Variants in BICDL1 observed in about 807,000 individuals in gnomAD.
BICDL1 encodes the protein BICD family like cargo adaptor 1, also known as BICD family-like cargo adapter 1.
BICDL1 carries 20 observed loss-of-function variants against 76.8 expected under a neutral mutation model. The observed-to-expected ratio is 0.26, with a 90% CI of 0.18 to 0.38. The LOEUF (loss-of-function observed/expected upper bound fraction) is 0.38. Among genes scored for constraint, BICDL1 ranks in the 10% least tolerant of loss-of-function variants. BICDL1 has a pLI of 1.00. For missense variants in BICDL1, 700 were observed against 798.6 expected (o/e 0.88, Z 1.49); for synonymous variants, 383 against 337.1 (o/e 1.14, Z -1.49).
intron 2 of BICDL1, among the ~76,000 whole-genome samples, chr12:120,051,853 C>T (rs1023467518): frequency 7.2e-5 from 11 of 152,226 alleles, no homozygotes; most frequent in East Asian, 1.9e-4. Context: ...CTCCAGAATC[C>T]GGTTCAGGCT....
intron 2 of BICDL1, among the ~76,000 whole-genome samples, chr12:120,046,849 T>C (rs902698492): frequency 1.3e-5 from 2 of 152,336 alleles, no homozygotes; most frequent in Admixed American, 6.5e-5. Flanking sequence ...TTATGAGTCC[T>C]CATAGAACAT....
Position 120,061,707 on chromosome 12 carries a change from C to T in BICDL1, c.646-3C>T. 2 of 1,607,894 alleles carry T rather than the reference C, an allele frequency of 1.2e-6. No individual in the cohort carries two copies. The highest frequency in any genetic ancestry group is 2.7e-5 in the African/African-American group (2 of 74,918). ...TCAGCTCTGCAGGTCTCCTCTGTTT[C>T]AGGCATCAGAAGTTGAGAGACAACT... On this transcript the variant is annotated splice_region_variant and splice_polypyrimidine_tract_variant and intron_variant, in intron 2 of 9. Coordinates refer to ENST00000548673, the MANE Select transcript of BICDL1 (RefSeq NM_001367886.1).
intron 2 of BICDL1, among the ~76,000 whole-genome samples, chr12:120,037,319 A>G (rs1383110152): frequency 6.6e-6 from 1 of 152,168 alleles, no homozygotes; most frequent in Non-Finnish European, 1.5e-5. Context: ...ATCTGAGGAG[A>G]CACGTTATTT....
At chr12:120,049,084 A>G (rs1952804232) in intron 2 of BICDL1, among the ~76,000 whole-genome samples, 1 of 152,220 alleles carries the variant, frequency 6.6e-6, no homozygotes, top group Non-Finnish European at 1.5e-5. Flanking sequence ...TCATAAGAAG[A>G]TAACTCATAA....
chr12:120,059,629 C>CA (rs937299818), intron 2 of BICDL1, among the ~76,000 whole-genome samples: 1 of 152,066 alleles, frequency 6.6e-6, no homozygotes, highest in Non-Finnish European at 1.5e-5. Context: ...AGGCTGGTCT[C>CA]AAACTCCTGA....
At chr12:119,993,616 TTTC>T (rs1951574215) in intron 1 of BICDL1, among the ~76,000 whole-genome samples, 1 of 151,052 alleles carries the variant, frequency 6.6e-6, no homozygotes, top group African/African-American at 2.4e-5. Context: ...CTTAAAGTTG[TTTC>T]TTTTTTTTTT....
intron 8 of BICDL1, among the ~76,000 whole-genome samples, chr12:120,087,140 G>C (rs762258909): frequency 3.0e-4 from 46 of 152,250 alleles, no homozygotes; most frequent in Admixed American, 7.2e-4. Context: ...CTACTGGAGG[G>C]GTGTCCATGG....
chr12:120,003,797 T>A (rs527648509), intron 2 of BICDL1, among the ~76,000 whole-genome samples: 20 of 152,344 alleles, frequency 1.3e-4, no homozygotes, highest in Admixed American at 1.2e-3. Flanking sequence ...TACAGAGCGA[T>A]TGGTTCTGTA....
At chr12:120,092,710 G>A (rs1307717899) in intron 9 of BICDL1, 1 of 985,438 alleles carries the variant, frequency 1.0e-6, no homozygotes, top group Non-Finnish European at 1.2e-6. Context: ...AGACTGCAGG[G>A]AGAGACCACC....
chr12:120,034,855 G>A (rs1004393182), intron 2 of BICDL1, among the ~76,000 whole-genome samples: 3 of 152,204 alleles, frequency 2.0e-5, no homozygotes, highest in African/African-American at 7.2e-5. Context: ...CTCAAGGCCA[G>A]CAGCAGTGCA....
intron 2 of BICDL1, among the ~76,000 whole-genome samples, chr12:120,024,691 CTTTCTT>C (rs1952253054): frequency 6.6e-6 from 1 of 152,024 alleles, no homozygotes; most frequent in Non-Finnish European, 1.5e-5. Flanking sequence ...CTCTTTCTTT[CTTTCTT>C]TCTTTTTTTT....
At chr12:120,076,611 G>A (rs975298161) in intron 7 of BICDL1, among the ~76,000 whole-genome samples, 1 of 151,938 alleles carries the variant, frequency 6.6e-6, no homozygotes, top group African/African-American at 2.4e-5. Context: ...TAGGCCAGTT[G>A]CTGTGGATTC....
intron 9 of BICDL1, chr12:120,092,469 G>A (rs1594229411): frequency 1.0e-6 from 1 of 985,482 alleles, no homozygotes; most frequent in Non-Finnish European, 1.2e-6. Flanking sequence ...GCCACGTGAG[G>A]CTGCCGTTGG....
At chr12:120,038,860 T>C (rs181603492) in intron 2 of BICDL1, among the ~76,000 whole-genome samples, 246 of 152,324 alleles carry the variant, frequency 1.6e-3, no homozygotes, top group African/African-American at 5.6e-3. Flanking sequence ...AAATAGTTCA[T>C]GTGACACCAA....
intron 9 of BICDL1, 23 bp downstream of exon 9, chr12:120,090,094 G>A (rs1321743989): frequency 6.2e-7 from 1 of 1,612,294 alleles, no homozygotes; most frequent in African/African-American, 1.3e-5. Flanking sequence ...CTGAGATCCA[G>A]GGCGAGAGGA....
intron 2 of BICDL1, among the ~76,000 whole-genome samples, chr12:120,037,849 A>G (rs1430607925): frequency 1.3e-5 from 2 of 152,238 alleles, no homozygotes. Flanking sequence ...CATCCTTCTC[A>G]GAAGTAGGCA....
intron 2 of BICDL1, among the ~76,000 whole-genome samples, chr12:120,017,453 C>T (rs1268966165): frequency 1.3e-5 from 2 of 152,060 alleles, no homozygotes; most frequent in Non-Finnish European, 2.9e-5. Flanking sequence ...AAATGGAGAC[C>T]TGCCTCATAA....
chr12:120,005,069 C>T (rs1239873434), intron 2 of BICDL1, among the ~76,000 whole-genome samples: 3 of 152,128 alleles, frequency 2.0e-5, no homozygotes, highest in Non-Finnish European at 4.4e-5. Flanking sequence ...GGTGATCTGC[C>T]CACCTCGGCC....
intron 2 of BICDL1, among the ~76,000 whole-genome samples, chr12:120,015,462 G>T (rs979709677): frequency 6.6e-6 from 1 of 152,134 alleles, no homozygotes; most frequent in Non-Finnish European, 1.5e-5. Flanking sequence ...GAACTTTGCT[G>T]TTCTTCTCCC....
Sources: gnomAD v4.1 joint callset for allele counts (sites outside exome capture counted in the v4.1 genomes callset) on GRCh38, gnomAD v4.1.1 for gene constraint, MANE v1.5 for transcripts, NCBI Gene and HGNC (gene_info 2026-07-23, HGNC 2026-07-21) for gene names.